NOC4L: variants seen among roughly 807,000 people sequenced by gnomAD.
The protein encoded by NOC4L is nucleolar complex protein 4 homolog.
Under a neutral mutation model 62.8 loss-of-function variants are expected in NOC4L, and 40 were observed. The observed-to-expected ratio is 0.64, with a 90% CI of 0.49 to 0.83. The LOEUF (loss-of-function observed/expected upper bound fraction) is 0.83. Among genes scored for constraint, NOC4L ranks in the 40% least tolerant of loss-of-function variants. The pLI, the probability that NOC4L is intolerant of heterozygous loss-of-function variation, is 0.00. For missense variants in NOC4L, 927 were observed against 701.9 expected, an observed-to-expected ratio of 1.32 and a Z score of -3.62; for synonymous variants, 433 against 299.8, an observed-to-expected ratio of 1.44 and a Z score of -4.59.
chr12:132,151,972 C>G, intron 13 of NOC4L, 112 bp from the exon 14 acceptor site: 3 of 1,253,482 alleles, frequency 2.4e-6, no homozygotes, highest in Non-Finnish European at 2.2e-6. Context: ...GGCCTTCTCA[C>G]GTGGCTCCGT....
At chr12:132,151,691 T>C (rs747889523) in intron 12 of NOC4L, 47 bp downstream of exon 12, 1 of 1,609,186 alleles carries the variant, frequency 6.2e-7, no homozygotes, top group Admixed American at 1.7e-5. Context: ...GGGGCGGGGG[T>C]GCCTGGTGCT....
rs767525355 is a variant in NOC4L at position 132,148,060 on chromosome 12, C to T, written c.704-12C>T. ...GCGGGTCAGGTGACCTTTGCCCTCG[C>T]TTTCCCTGCAGAGCTGTGGGACACC... On this transcript the variant is annotated splice_polypyrimidine_tract_variant and intron_variant, in intron 6 of 14. Coordinates refer to ENST00000330579, the MANE Select transcript of NOC4L (RefSeq NM_024078.3). 4 of 1,613,436 alleles carry T rather than the reference C, an allele frequency of 2.5e-6. No homozygotes were observed. Among genetic ancestry groups the T allele is most frequent in the African/African-American group, 2.7e-5 (2 of 74,932 alleles).
At chr12:132,145,040 A>G in intron 2 of NOC4L, 66 bp downstream of exon 2, 2 of 1,516,334 alleles carry the variant, frequency 1.3e-6, no homozygotes, top group Non-Finnish European at 1.8e-6. Flanking sequence ...CTTTGTCACC[A>G]TGGGATGAGC....
At position 132,148,866 on chromosome 12, in the gene NOC4L, T is replaced by C. The variant is rs766701011; in HGVS notation, c.872T>C (p.Ile291Thr). The change falls in exon 9 of 15, where the codon ATC becomes ACC. Residue 291 changes from isoleucine (I) to threonine (T), a missense_variant. Ile to Thr is a moderately conservative substitution (Grantham distance 89). Coordinates refer to ENST00000330579, the MANE Select transcript of NOC4L (RefSeq NM_024078.3). ...LPQLAQPTLM[I>T]DFLTRACDLG... ...CAGCTGGCGCAGCCCACGCTCATGA[T>C]CGACTTCCTCACCCGCGCCTGCGAC... 6.3e-7 allele frequency: 1 copy of C among 1,599,880 alleles called. No individual in the cohort carries two copies. Among genetic ancestry groups the C allele is most frequent in the South Asian group, 1.1e-5 (1 of 90,624 alleles).
intron 13 of NOC4L, 88 bp downstream of exon 13, chr12:132,151,908 A>T: frequency 7.2e-7 from 1 of 1,387,802 alleles, no homozygotes. Context: ...CCTCCCGCAT[A>T]GCCTCATGTT....
chr12:132,146,408 A>G, intron 3 of NOC4L: 1 of 449,072 alleles, frequency 2.2e-6, no homozygotes, highest in South Asian at 1.6e-5. Context: ...TTTGGCTGTT[A>G]CGAACAGCGG....
chr12:132,147,779 C>T lies in NOC4L; in HGVS notation c.600C>T (p.Pro200=), dbSNP rs762355865. The change falls in exon 5 of 15, where the codon CCC becomes CCT. Residue 200 remains proline, a synonymous_variant. Coordinates refer to ENST00000330579, the MANE Select transcript of NOC4L (RefSeq NM_024078.3). ...TGGCCCGGGTCACTGGCCAGCACCC[C>T]GAGGTGGGTGATGGGGTCCTGTCGC... ...DAVARVTGQH[P]EVPPAFWNNA... 4.7e-5 allele frequency: 75 copies of T among 1,612,378 alleles called. No homozygotes were observed. Among genetic ancestry groups the T allele is most frequent in the South Asian group, 2.9e-4 (26 of 91,082 alleles).
At chr12:132,151,855 G>T in intron 13 of NOC4L, 35 bp downstream of exon 13, 6 of 1,594,238 alleles carry the variant, frequency 3.8e-6, no homozygotes, top group Non-Finnish European at 5.1e-6. Context: ...GGGGCCTCCC[G>T]AGCCATCCTT....
intron 10 of NOC4L, 94 bp from the exon 11 acceptor site, chr12:132,151,164 G>A: frequency 1.4e-6 from 2 of 1,426,312 alleles, no homozygotes; most frequent in Admixed American, 1.7e-5. Context: ...GGAGTCCCTG[G>A]GCGGGAGGAA....
At chr12:132,148,955 TCA>T in intron 9 of NOC4L, 60 bp downstream of exon 9, 6 of 325,662 alleles carry the variant, frequency 1.8e-5, no homozygotes, top group East Asian at 7.9e-5. Flanking sequence ...TGCCGCCGCC[TCA>T]CTCCTACCAC....
chr12:132,147,494 T>C (rs1421669089), intron 4 of NOC4L, 106 bp downstream of exon 4: 1 of 1,453,588 alleles, frequency 6.9e-7, no homozygotes, highest in East Asian at 2.4e-5. Context: ...GGCTGTTGGC[T>C]GGGACACTCC....
intron 7 of NOC4L, 125 bp from the exon 8 acceptor site, chr12:132,148,484 C>A: frequency 2.9e-6 from 3 of 1,035,718 alleles, no homozygotes; most frequent in South Asian, 1.5e-5. Flanking sequence ...AGAAGGAAGG[C>A]AGGGTCAGAA....
intron 9 of NOC4L, 118 bp from the exon 10 acceptor site, chr12:132,150,863 C>T: frequency 2.7e-6 from 2 of 734,704 alleles, no homozygotes; most frequent in Non-Finnish European, 4.7e-6. Flanking sequence ...TCCGTGGGGG[C>T]TGTGGGAGGG....
intron 2 of NOC4L, 75 bp from the exon 3 acceptor site, chr12:132,145,484 G>A (rs1819251854): frequency 2.1e-6 from 2 of 961,944 alleles, no homozygotes; most frequent in South Asian, 3.0e-5. Context: ...GTGGAGCCAG[G>A]CCTGAGATTT....
intron 9 of NOC4L, 131 bp from the exon 10 acceptor site, chr12:132,150,850 G>C (rs1165392230): frequency 2.9e-6 from 2 of 693,372 alleles, no homozygotes; most frequent in African/African-American, 1.8e-5. Context: ...CTCCAGCTTT[G>C]TGTCCGTGGG....
chr12:132,144,623 G>A lies in NOC4L; in HGVS notation c.117+18G>A. 1 of 1,489,270 alleles carries A rather than the reference G, an allele frequency of 6.7e-7. No homozygotes were observed. Among genetic ancestry groups the A allele is most frequent in the Non-Finnish European group, 8.9e-7 (1 of 1,126,948 alleles). 92.3% of individuals were successfully genotyped at this position (1,489,270 alleles called of 1,614,324 possible). A position where few individuals can be genotyped will look rare whatever the true frequency, so the allele number is the denominator to read the frequency against. On this transcript the variant is annotated intron_variant, in intron 1 of 14. Coordinates refer to ENST00000330579, the MANE Select transcript of NOC4L (RefSeq NM_024078.3). ...TGCTGCAGGTGGGCCTGGCGGCGTC[G>A]CAGGGCCGGAGTCGCGGCACGGGAG...
intron 2 of NOC4L, 56 bp downstream of exon 2, chr12:132,145,030 C>G (rs1029510702): frequency 1.3e-6 from 2 of 1,531,908 alleles, no homozygotes; most frequent in Non-Finnish European, 8.8e-7. Context: ...CGGAGGGAGG[C>G]TTTGTCACCA....
At position 132,147,718 on chromosome 12, in the gene NOC4L, C is replaced by G. The variant is rs767928976; in HGVS notation, c.539C>G (p.Thr180Ser). 2 of 1,612,910 alleles carry G rather than the reference C, an allele frequency of 1.2e-6. No homozygotes were observed. Among genetic ancestry groups the G allele is most frequent in the Admixed American group, 3.3e-5 (2 of 60,022 alleles). ...CGGGAGTACCTGGACTACGACGACA[C>G]CCGCTACCACACCATGCAGGCAGCC... ...QFREYLDYDD[T>S]RYHTMQAAVD... The change falls in exon 5 of 15, where the codon ACC becomes AGC. Residue 180 changes from threonine (T) to serine (S), a missense_variant. Thr to Ser is a moderately conservative substitution (Grantham distance 58, BLOSUM62 1). Coordinates refer to ENST00000330579, the MANE Select transcript of NOC4L (RefSeq NM_024078.3).
At chr12:132,145,447 G>A in intron 2 of NOC4L, 112 bp from the exon 3 acceptor site, 3 of 678,288 alleles carry the variant, frequency 4.4e-6, no homozygotes, top group South Asian at 1.8e-5. Flanking sequence ...TTCCACCTGC[G>A]GAGGCTGAGT....
Sources: allele counts gnomAD v4.1 joint callset, GRCh38; gene constraint gnomAD v4.1.1; transcripts MANE v1.5; gene names NCBI Gene and HGNC (gene_info 2026-07-23, HGNC 2026-07-21).